Variants in WBP1L observed in about 807,000 individuals in gnomAD.
WBP1L encodes WW domain binding protein 1-like.
In WBP1L, 17 loss-of-function variants were observed where a neutral mutation model predicts 33.7. The observed-to-expected ratio is 0.50, with a 90% CI of 0.34 to 0.76. The LOEUF is 0.76. Among genes scored for constraint, WBP1L ranks in the 30% least tolerant of loss-of-function variants. WBP1L has a pLI of 0.01. For missense variants in WBP1L, 389 were observed against 469.4 expected, an observed-to-expected ratio of 0.83 and a Z score of 1.58; for synonymous variants, 173 against 190.8, an observed-to-expected ratio of 0.91 and a Z score of 0.77.
intron 1 of WBP1L, among the ~76,000 whole-genome samples, chr10:102,785,327 A>ACAGG (rs1287010733): frequency 1.3e-5 from 2 of 151,828 alleles, no homozygotes; most frequent in Non-Finnish European, 2.9e-5. Context: ...TGTTGGGACT[A>ACAGG]CAGGCGCCTG....
intron 1 of WBP1L, among the ~76,000 whole-genome samples, chr10:102,757,330 A>G (rs1294046786): frequency 6.6e-6 from 1 of 152,156 alleles, no homozygotes; most frequent in East Asian, 1.9e-4. Flanking sequence ...CGATACTATT[A>G]TTCTTGTTTG....
intron 1 of WBP1L, among the ~76,000 whole-genome samples, chr10:102,753,055 A>G (rs1328362166): frequency 6.6e-6 from 1 of 152,102 alleles, no homozygotes; most frequent in East Asian, 1.9e-4. Context: ...CACTTGGGAG[A>G]TCATCAGGTT....
At chr10:102,758,690 A>C (rs1374976656) in intron 1 of WBP1L, among the ~76,000 whole-genome samples, 1 of 152,220 alleles carries the variant, frequency 6.6e-6, no homozygotes, top group Non-Finnish European at 1.5e-5. Context: ...CTGGGGGACC[A>C]CTACCATCAA....
chr10:102,794,927 C>T (rs1005607273), intron 1 of WBP1L, among the ~76,000 whole-genome samples: 3 of 152,090 alleles, frequency 2.0e-5, no homozygotes, highest in Non-Finnish European at 4.4e-5. Flanking sequence ...CACCTTCTTT[C>T]GTACCGCTGC....
chr10:102,791,141 AGGT>A (rs1383948605), intron 1 of WBP1L, among the ~76,000 whole-genome samples: 5 of 152,102 alleles, frequency 3.3e-5, no homozygotes, highest in African/African-American at 1.2e-4. Flanking sequence ...TCCCTGTTTC[AGGT>A]GGGCCCAAGA....
At chr10:102,751,249 G>A (rs999835437) in intron 1 of WBP1L, among the ~76,000 whole-genome samples, 5 of 151,790 alleles carry the variant, frequency 3.3e-5, no homozygotes, top group South Asian at 4.1e-4. Context: ...CGATCTGCCC[G>A]ACTTGGCCTC....
intron 1 of WBP1L, among the ~76,000 whole-genome samples, chr10:102,756,417 T>G: frequency 6.7e-6 from 1 of 149,552 alleles, no homozygotes; most frequent in African/African-American, 2.5e-5. Flanking sequence ...CTCAGGGGGG[T>G]GGTGGGGGGA....
rs998358056 is a variant in WBP1L, at chr10:102,815,913, C to T, written c.*2582C>T. ...TTGGTTCCCAGGTCACAGTTTGGCCCCCGCTACAGGATGCTGCCCTGCTCA... is the reference window on the plus strand; with the variant it reads ...TTGGTTCCCAGGTCACAGTTTGGCCTCCGCTACAGGATGCTGCCCTGCTCA... On this transcript the variant is annotated 3_prime_UTR_variant, in exon 4 of 4. Transcript: ENST00000448841. The T allele has an allele frequency of 6.6e-5, 10 of 152,596 alleles. No homozygotes were observed. The highest frequency in any genetic ancestry group is 2.4e-4 in the African/African-American group (10 of 41,530). The allele number at this position is 152,596 out of a possible 1,614,324, so 9.5% of individuals were successfully genotyped here.
chr10:102,751,456 C>T (rs1317855656), intron 1 of WBP1L, among the ~76,000 whole-genome samples: 3 of 151,594 alleles, frequency 2.0e-5, no homozygotes, highest in South Asian at 2.1e-4. Flanking sequence ...GCTACAGGTG[C>T]GCACCCACAC....
At chr10:102,787,244 A>G (rs1843428460) in intron 1 of WBP1L, among the ~76,000 whole-genome samples, 1 of 152,188 alleles carries the variant, frequency 6.6e-6, no homozygotes, top group African/African-American at 2.4e-5. Flanking sequence ...CAGGTGTGGT[A>G]TATACTAGAA....
intron 1 of WBP1L, among the ~76,000 whole-genome samples, chr10:102,791,593 G>A (rs1383523529): frequency 6.6e-6 from 1 of 152,188 alleles, no homozygotes; most frequent in African/African-American, 2.4e-5. Context: ...GAGCCCAGGA[G>A]TTCAAGACCA....
chr10:102,798,693 G>T (rs1352252708), intron 2 of WBP1L, among the ~76,000 whole-genome samples: 1 of 152,200 alleles, frequency 6.6e-6, no homozygotes, highest in Non-Finnish European at 1.5e-5. Flanking sequence ...AAAGTGCTGG[G>T]ATTAGAGGCG....
At chr10:102,771,194 TAAAC>T (rs1272767129) in intron 1 of WBP1L, among the ~76,000 whole-genome samples, 2 of 152,234 alleles carry the variant, frequency 1.3e-5, no homozygotes. Flanking sequence ...AAAAGATACT[TAAAC>T]AAATTTTCTA....
chr10:102,786,123 T>C (rs1843412002), intron 1 of WBP1L, among the ~76,000 whole-genome samples: 1 of 152,344 alleles, frequency 6.6e-6, no homozygotes, highest in Middle Eastern at 3.4e-3. Flanking sequence ...GGCTGTTTAA[T>C]GAGGATGTAG....
intron 1 of WBP1L, among the ~76,000 whole-genome samples, chr10:102,770,434 C>T (rs916164259): frequency 3.3e-5 from 5 of 152,194 alleles, no homozygotes; most frequent in African/African-American, 1.2e-4. Flanking sequence ...CAGTTACTGT[C>T]CTGTTCTGAC....
Position 102,813,484 on chromosome 10 carries a change from A to C in WBP1L, c.*153A>C. The C allele has an allele frequency of 9.3e-7, 1 of 1,077,868 alleles. No individual in the cohort carries two copies. Among genetic ancestry groups the C allele is most frequent in the Non-Finnish European group, 1.3e-6 (1 of 773,796 alleles). The allele number at this position is 1,077,868 out of a possible 1,614,324, so 66.8% of individuals were successfully genotyped here. On this transcript the variant is annotated 3_prime_UTR_variant, in exon 4 of 4. Transcript: ENST00000448841. ...CTTCTCCTCTCCTGCATTTTCCTCC[A>C]TCTCCAGGTACAGTTCGGGGTGTGG...
At chr10:102,786,629 A>G (rs1843419405) in intron 1 of WBP1L, among the ~76,000 whole-genome samples, 1 of 152,222 alleles carries the variant, frequency 6.6e-6, no homozygotes, top group Non-Finnish European at 1.5e-5. Flanking sequence ...ACTTATTTAT[A>G]AGATGCCCTT....
At chr10:102,745,060 A>G (rs892383321) in intron 1 of WBP1L, among the ~76,000 whole-genome samples, 1 of 152,148 alleles carries the variant, frequency 6.6e-6, no homozygotes, top group Non-Finnish European at 1.5e-5. Flanking sequence ...GCAAAGCTTT[A>G]TGATTCTTTT....
intron 2 of WBP1L, among the ~76,000 whole-genome samples, chr10:102,799,679 T>G (rs1417902614): frequency 6.6e-6 from 1 of 152,124 alleles, no homozygotes; most frequent in Non-Finnish European, 1.5e-5. Flanking sequence ...CTGCCTCCAT[T>G]TGGAAACAGA....
Sources: gnomAD v4.1 joint callset for allele counts (sites outside exome capture counted in the v4.1 genomes callset) on GRCh38, gnomAD v4.1.1 for gene constraint, MANE v1.5 for transcripts, NCBI Gene and HGNC (gene_info 2026-07-23, HGNC 2026-07-21) for gene names.